Variants in KHDRBS2 observed in about 807,000 individuals in gnomAD.
KHDRBS2 encodes the protein KH RNA binding domain containing, signal transduction associated 2, also known as KH domain-containing, RNA-binding, signal transduction-associated protein 2.
KHDRBS2 carries 26 observed loss-of-function variants against 44.3 expected under a neutral mutation model. The observed-to-expected ratio is 0.59, with a 90% CI of 0.43 to 0.81. The LOEUF is 0.81. KHDRBS2 is among the 40% of genes least tolerant of loss of function. The pLI is 0.00. For synonymous variants in KHDRBS2, 194 were observed against 151.1 expected (o/e 1.28, Z -2.08); for missense variants, 476 against 433.1 (o/e 1.10, Z -0.88).
chr6:61,574,506 G>A, the KHDRBS2 span: 3 of 958,968 alleles, frequency 3.1e-6, no homozygotes, highest in Admixed American at 5.9e-5. Context: ...AAAAATTTCG[G>A]CTGGGGCGAC....
At chr6:62,172,073 A>C (rs1820120178) in intron 2 of KHDRBS2, among the ~76,000 whole-genome samples, 1 of 152,160 alleles carries the variant, frequency 6.6e-6, no homozygotes, top group South Asian at 2.1e-4. Context: ...AATCACACAT[A>C]TCCAAACTAA....
chr6:61,768,343 G>T (rs1391302949), intron 6 of KHDRBS2, among the ~76,000 whole-genome samples: 3 of 152,030 alleles, frequency 2.0e-5, no homozygotes, highest in African/African-American at 7.2e-5. Flanking sequence ...CCTCCTTTGG[G>T]TTATATCTGC....
intron 3 of KHDRBS2, among the ~76,000 whole-genome samples, chr6:61,985,033 C>T (rs1774772557): frequency 6.6e-6 from 1 of 152,088 alleles, no homozygotes; most frequent in African/African-American, 2.4e-5. Flanking sequence ...TTGACAATAG[C>T]CTCTCCCACC....
At chr6:61,954,455 ATGTATGTATACGTATGTG>A (rs1765601889) in intron 4 of KHDRBS2, among the ~76,000 whole-genome samples, 1 of 147,098 alleles carries the variant, frequency 6.8e-6, no homozygotes. Context: ...ATACGTATGT[ATGTATGTATACGTATGTG>A]TATATACACA....
the KHDRBS2 span, chr6:61,574,467 C>T: frequency 6.8e-5 from 91 of 1,328,760 alleles, no homozygotes; most frequent in Non-Finnish European, 9.1e-5. Context: ...CCAATAAGCC[C>T]ACAGGCTCTA....
intron 6 of KHDRBS2, among the ~76,000 whole-genome samples, chr6:61,775,377 T>C (rs1275006469): frequency 2.0e-5 from 3 of 152,114 alleles, no homozygotes; most frequent in African/African-American, 7.2e-5. Flanking sequence ...GAGATGATTG[T>C]ACATCTAGAA....
At chr6:62,240,539 T>C (rs1834427425) in intron 1 of KHDRBS2, among the ~76,000 whole-genome samples, 1 of 150,726 alleles carries the variant, frequency 6.6e-6, no homozygotes, top group Non-Finnish European at 1.5e-5. Context: ...CAATTAGATA[T>C]ATAATATTTA....
At chr6:61,875,168 G>A (rs1395672652) in intron 6 of KHDRBS2, among the ~76,000 whole-genome samples, 1 of 151,918 alleles carries the variant, frequency 6.6e-6, no homozygotes, top group African/African-American at 2.4e-5. Context: ...GAGTTCGTGT[G>A]TGTGGGCGTG....
intron 6 of KHDRBS2, among the ~76,000 whole-genome samples, chr6:61,795,985 A>T (rs9452586): frequency 0.031 from 4,698 of 152,226 alleles, 264 homozygotes; most frequent in African/African-American, 0.11. Context: ...TGAGGATGGA[A>T]TAAAACAGAA....
At chr6:62,250,865 A>T (rs1282583339) in intron 1 of KHDRBS2, among the ~76,000 whole-genome samples, 1 of 152,034 alleles carries the variant, frequency 6.6e-6, no homozygotes, top group African/African-American at 2.4e-5. Context: ...GTCATCAAAT[A>T]CAAAGACAAG....
intron 2 of KHDRBS2, among the ~76,000 whole-genome samples, chr6:62,062,401 A>G (rs9354596): frequency 0.29 from 42,761 of 145,556 alleles, 7,677 homozygotes; most frequent in Middle Eastern, 0.42. Context: ...CAGCAAATGT[A>G]AAAGAACAGA....
intron 6 of KHDRBS2, among the ~76,000 whole-genome samples, chr6:61,795,161 A>C (rs932007267): frequency 6.6e-5 from 10 of 151,540 alleles, no homozygotes; most frequent in Non-Finnish European, 1.2e-4. Flanking sequence ...AAAAAAAAAA[A>C]AAAAAAAAAG....
chr6:61,857,682 TC>T, intron 6 of KHDRBS2, among the ~76,000 whole-genome samples: 1 of 152,004 alleles, frequency 6.6e-6, no homozygotes, highest in South Asian at 2.1e-4. Flanking sequence ...ACACAGAGCT[TC>T]CCCTTGTAGC....
intron 4 of KHDRBS2, among the ~76,000 whole-genome samples, chr6:61,935,251 C>A (rs1810816799): frequency 6.6e-6 from 1 of 152,142 alleles, no homozygotes; most frequent in Non-Finnish European, 1.5e-5. Flanking sequence ...AGGAAAGTAT[C>A]AGTGAATTTT....
At chr6:62,097,188 A>T (rs1297384452) in intron 2 of KHDRBS2, among the ~76,000 whole-genome samples, 2 of 151,728 alleles carry the variant, frequency 1.3e-5, no homozygotes, top group Admixed American at 1.3e-4. Flanking sequence ...GCTGTTGAGT[A>T]GAGTGCGTAT....
intron 1 of KHDRBS2, among the ~76,000 whole-genome samples, chr6:62,186,105 T>C (rs1370725906): frequency 6.6e-6 from 1 of 152,004 alleles, no homozygotes; most frequent in African/African-American, 2.4e-5. Flanking sequence ...TTGTTAACTG[T>C]GTGACACTTG....
chr6:61,546,210 T>C, the KHDRBS2 span, among the ~76,000 whole-genome samples: 1 of 151,924 alleles, frequency 6.6e-6, no homozygotes, highest in Non-Finnish European at 1.5e-5. Flanking sequence ...ATCTATTACA[T>C]TTCAAATTAT....
intron 1 of KHDRBS2, among the ~76,000 whole-genome samples, chr6:62,207,543 A>C (rs1828209301): frequency 6.6e-6 from 1 of 152,134 alleles, no homozygotes; most frequent in African/African-American, 2.4e-5. Context: ...GTAAAAATCC[A>C]TGTGAATTTT....
chr6:61,901,199 G>A (rs757583772), intron 5 of KHDRBS2, 45 bp downstream of exon 5: 4 of 1,592,546 alleles, frequency 2.5e-6, no homozygotes, highest in Non-Finnish European at 2.6e-6. Flanking sequence ...GGACAAAAAA[G>A]GCCTGCCATC....
Sources: gnomAD v4.1 joint callset for allele counts (sites outside exome capture counted in the v4.1 genomes callset) on GRCh38, gnomAD v4.1.1 for gene constraint, MANE v1.5 for transcripts, NCBI Gene and HGNC (gene_info 2026-07-23, HGNC 2026-07-21) for gene names.